Variants in LIMK2 observed in about 807,000 individuals in gnomAD.
The protein encoded by LIMK2 is LIM domain kinase 2.
In LIMK2, 35 loss-of-function variants were observed where a neutral mutation model predicts 75.7. The observed-to-expected ratio is 0.46, with a 90% CI of 0.35 to 0.61. The LOEUF (loss-of-function observed/expected upper bound fraction) is 0.61, where lower values mean the gene tolerates loss of function less well. Among genes scored for constraint, LIMK2 ranks in the 20% least tolerant of loss-of-function variants. The probability of loss-of-function intolerance (pLI) is 0.00; values close to 1 mark genes in which losing one functional copy is unlikely to be tolerated. For synonymous variants in LIMK2, 301 were observed against 319.2 expected, an observed-to-expected ratio of 0.94 and a Z score of 0.61; for missense variants, 623 against 831.0, an observed-to-expected ratio of 0.75 and a Z score of 3.08.
Position 31,222,796 on chromosome 22 carries a change from T to G in LIMK2, c.17-2924T>G, listed in dbSNP as rs143364599. The stretch of plus-strand genomic sequence containing the variant: ...GCATGTCATCCTTGCGCAGGGGCCA[T>G]GCTAACCTTCTGTGTCTCAGTCCAA... On this transcript the variant is annotated intron_variant, in intron 1 of 15. Coordinates refer to ENST00000331728, the MANE Select transcript of LIMK2 (RefSeq NM_005569.4). The G allele has an allele frequency of 3.9e-5, 6 of 152,238 alleles. No homozygotes were observed. The East Asian group carries it at 1.2e-3, about 29-fold the overall frequency. The allele number at this position is 152,238 out of a possible 1,614,324, so 9.4% of individuals were successfully genotyped here.
At chr22:31,268,735 C>T (rs964404187) in intron 11 of LIMK2, among the ~76,000 whole-genome samples, 4 of 152,194 alleles carry the variant, frequency 2.6e-5, no homozygotes, top group African/African-American at 9.7e-5. Context: ...TACTGAGTGC[C>T]CTCTATATGC....
chr22:31,254,495 C>G (rs2048757296), intron 2 of LIMK2, among the ~76,000 whole-genome samples: 1 of 152,128 alleles, frequency 6.6e-6, no homozygotes, highest in Non-Finnish European at 1.5e-5. Context: ...CTGAGTCTAC[C>G]AAGAGTAAGT....
chr22:31,220,495 T>TAATAAAGA (rs1222777176), intron 1 of LIMK2, among the ~76,000 whole-genome samples: 1 of 152,178 alleles, frequency 6.6e-6, no homozygotes, highest in Admixed American at 6.5e-5. Context: ...GATACAGTTC[T>TAATAAAGA]TACACCTTAG....
At chr22:31,248,720 G>C in intron 2 of LIMK2, 2 of 1,614,152 alleles carry the variant, frequency 1.2e-6, no homozygotes, top group Non-Finnish European at 1.7e-6. Context: ...GAAGAAGATG[G>C]GGAGTTACTT....
intron 1 of LIMK2, among the ~76,000 whole-genome samples, chr22:31,223,088 C>G (rs1173768495): frequency 2.6e-5 from 4 of 151,932 alleles, no homozygotes; most frequent in African/African-American, 4.8e-5. Context: ...CTGAGTACAG[C>G]AGATAGGGAA....
chr22:31,234,578 G>C (rs1364120012), intron 2 of LIMK2, among the ~76,000 whole-genome samples: 1 of 151,500 alleles, frequency 6.6e-6, no homozygotes, highest in Non-Finnish European at 1.5e-5. Context: ...AAAATTAGCT[G>C]GTCGTGGTGG....
chr22:31,246,740 C>G (rs1167395588), intron 2 of LIMK2, among the ~76,000 whole-genome samples: 3 of 125,860 alleles, frequency 2.4e-5, no homozygotes. Context: ...GCCTGAGTGA[C>G]AGAGAGAGAC....
At chr22:31,244,383 C>G (rs2048648447) in intron 2 of LIMK2, among the ~76,000 whole-genome samples, 1 of 152,184 alleles carries the variant, frequency 6.6e-6, no homozygotes, top group Non-Finnish European at 1.5e-5. Flanking sequence ...GATTGAATTA[C>G]AGGGGAACAT....
At chr22:31,230,121 G>A (rs1163532052) in intron 2 of LIMK2, 1 of 145,812 alleles carries the variant, frequency 6.9e-6, no homozygotes, top group Non-Finnish European at 1.5e-5. Flanking sequence ...CAAAGAAATC[G>A]GTAACTGGTA....
intron 1 of LIMK2, among the ~76,000 whole-genome samples, chr22:31,218,708 G>A (rs1257344324): frequency 1.3e-5 from 2 of 152,106 alleles, no homozygotes; most frequent in African/African-American, 4.8e-5. Context: ...AGCAGCTGCT[G>A]CCCTGCCCTT....
At chr22:31,277,874 G>A (rs555074895) in intron 15 of LIMK2, among the ~76,000 whole-genome samples, 145 of 152,242 alleles carry the variant, frequency 9.5e-4, no homozygotes, top group South Asian at 6.0e-3. Context: ...AAATATGGTC[G>A]TCAGAGCAGG....
chr22:31,229,191 C>G (rs1164804230), intron 2 of LIMK2, among the ~76,000 whole-genome samples: 1 of 152,166 alleles, frequency 6.6e-6, no homozygotes, highest in African/African-American at 2.4e-5. Flanking sequence ...TGCAGCTTTA[C>G]CTTGAGGACA....
rs1314746294 is a variant in LIMK2 at position 31,267,057 on chromosome 22, C to T, written c.1115C>T (p.Thr372Ile). 1.2e-6 allele frequency: 2 copies of T among 1,604,340 alleles called. No homozygotes were observed. The highest frequency in any genetic ancestry group is 8.5e-7 in the Non-Finnish European group (1 of 1,173,666). ...LIRCDEETQK[T>I]FLTEVKVMRS... The stretch of plus-strand genomic sequence containing the variant: ...CGATGTGATGAGGAGACCCAGAAAA[C>T]TTTTCTGACTGAGGTAAGAAGATGG... Residue 372 changes from threonine to isoleucine, a missense_variant, in exon 9 of 16, where the codon ACT becomes ATT. Coordinates refer to ENST00000331728, the MANE Select transcript of LIMK2 (RefSeq NM_005569.4).
intron 2 of LIMK2, among the ~76,000 whole-genome samples, chr22:31,234,334 A>C (rs1258410014): frequency 6.6e-6 from 1 of 150,966 alleles, no homozygotes; most frequent in Non-Finnish European, 1.5e-5. Flanking sequence ...CTTAAAAAAA[A>C]AAAAAACAAA....
At chr22:31,258,628 T>A (rs1284119358) in intron 3 of LIMK2, 2 of 560,162 alleles carry the variant, frequency 3.6e-6, no homozygotes, top group Non-Finnish European at 6.3e-6. Context: ...ACTTAATAGT[T>A]GAACGTTGGG....
chr22:31,212,482 C>T, intron 1 of LIMK2, 58 bp downstream of exon 1: 1 of 1,310,476 alleles, frequency 7.6e-7, no homozygotes, highest in South Asian at 3.1e-5. Context: ...GGTTCCATGG[C>T]GCCTGAGGGA....
intron 9 of LIMK2, 137 bp from the exon 10 acceptor site, chr22:31,267,639 A>T: frequency 1.1e-6 from 1 of 903,248 alleles, no homozygotes; most frequent in Non-Finnish European, 1.6e-6. Flanking sequence ...TCCTGATCTT[A>T]GTGCCCTGTC....
At chr22:31,231,892 C>T (rs2048532127) in intron 2 of LIMK2, among the ~76,000 whole-genome samples, 1 of 152,150 alleles carries the variant, frequency 6.6e-6, no homozygotes, top group Non-Finnish European at 1.5e-5. Flanking sequence ...TCATAGTTCA[C>T]TGCAGTGTCA....
intron 15 of LIMK2, chr22:31,276,645 G>A (rs1200253378): frequency 3.0e-6 from 3 of 1,003,556 alleles, no homozygotes; most frequent in South Asian, 4.6e-5. Flanking sequence ...GGAGGCGGCG[G>A]CACAAGGAGG....
Sources: gnomAD v4.1 joint callset for allele counts (sites outside exome capture counted in the v4.1 genomes callset) on GRCh38, gnomAD v4.1.1 for gene constraint, MANE v1.5 for transcripts, NCBI Gene and HGNC (gene_info 2026-07-23, HGNC 2026-07-21) for gene names.